BNC2: variants seen among roughly 807,000 people sequenced by gnomAD.
BNC2 encodes the protein basonuclin zinc finger protein 2, also known as zinc finger protein basonuclin-2.
Under a neutral mutation model 76.3 loss-of-function variants are expected in BNC2, and 20 were observed. The ratio of observed to expected loss-of-function variants is 0.26; its 90% confidence interval spans 0.18 to 0.38. BNC2 has a LOEUF of 0.38. Among genes scored for constraint, BNC2 ranks in the 10% least tolerant of loss-of-function variants. The pLI is 1.00. For missense variants in BNC2, 1,382 were observed against 1,399.8 expected, an observed-to-expected ratio of 0.99 and a Z score of 0.20; for synonymous variants, 582 against 514.8, an observed-to-expected ratio of 1.13 and a Z score of -1.77.
At chr9:16,662,234 T>G (rs1822130134) in intron 3 of BNC2, among the ~76,000 whole-genome samples, 1 of 152,192 alleles carries the variant, frequency 6.6e-6, no homozygotes, top group Admixed American at 6.5e-5. Flanking sequence ...ATGCTACATA[T>G]TTAAAACATT....
intron 3 of BNC2, among the ~76,000 whole-genome samples, chr9:16,722,245 T>C (rs1397731973): frequency 6.6e-6 from 1 of 152,184 alleles, no homozygotes; most frequent in African/African-American, 2.4e-5. Context: ...CCTGCCTTGG[T>C]TGTGACCCAT....
At chr9:16,863,329 T>C (rs1345375680) in intron 1 of BNC2, among the ~76,000 whole-genome samples, 1 of 152,106 alleles carries the variant, frequency 6.6e-6, no homozygotes, top group Non-Finnish European at 1.5e-5. Context: ...CTATGAAAAA[T>C]AACTCTCTCT....
chr9:16,465,455 G>T (rs1821685375), intron 5 of BNC2, among the ~76,000 whole-genome samples: 2 of 100,538 alleles, frequency 2.0e-5, no homozygotes, highest in South Asian at 3.3e-4. Flanking sequence ...AAAAAAAAGG[G>T]TTAATAACCG....
At chr9:16,706,724 C>T (rs780891028) in intron 3 of BNC2, among the ~76,000 whole-genome samples, 1 of 152,086 alleles carries the variant, frequency 6.6e-6, no homozygotes, top group Admixed American at 6.5e-5. Flanking sequence ...ATCCCTTCAC[C>T]TTAGCCAAGC....
chr9:16,680,215 TTTGTTGTTG>T (rs142459192), intron 3 of BNC2, among the ~76,000 whole-genome samples: 157 of 152,022 alleles, frequency 1.0e-3, no homozygotes, highest in African/African-American at 3.6e-3. Context: ...TTCAGGGGCT[TTTGTTGTTG>T]TTGTTGTTGT....
At position 16,699,291 on chromosome 9, in the gene BNC2, G is replaced by C. The variant is rs1216787550; in HGVS notation, c.330+28506C>G. ...TGCATGGGTTAGGAGGAGGAAGACA[G>C]GCCAACAGAATAGTCCCTTGATGGA... is the stretch of plus-strand genomic sequence containing the variant. On this transcript the variant is annotated intron_variant, in intron 3 of 6. Transcript: ENST00000380672. The C allele has an allele frequency of 1.1e-5, 5 of 449,826 alleles. No homozygotes were observed. The East Asian group carries it at 3.5e-4, about 32-fold the overall frequency. The allele number at this position is 449,826 out of a possible 1,614,324, so 27.9% of individuals were successfully genotyped here.
chr9:16,679,487 G>T (rs1822759051), intron 3 of BNC2, among the ~76,000 whole-genome samples: 1 of 152,164 alleles, frequency 6.6e-6, no homozygotes, highest in African/African-American at 2.4e-5. Context: ...CATGTGCATG[G>T]CAAATGGAAT....
At chr9:16,677,739 C>A (rs1289001316) in intron 3 of BNC2, among the ~76,000 whole-genome samples, 3 of 152,130 alleles carry the variant, frequency 2.0e-5, no homozygotes, top group Non-Finnish European at 4.4e-5. Context: ...TAACCCAGAG[C>A]TGCAAACTTC....
intron 3 of BNC2, among the ~76,000 whole-genome samples, chr9:16,624,425 C>A (rs974498330): frequency 3.3e-5 from 5 of 152,134 alleles, no homozygotes; most frequent in African/African-American, 1.2e-4. Flanking sequence ...AAAAACTGCT[C>A]ACACAACATA....
chr9:16,448,877 T>G (rs915911217), intron 5 of BNC2, among the ~76,000 whole-genome samples: 3 of 152,188 alleles, frequency 2.0e-5, no homozygotes, highest in African/African-American at 7.2e-5. Flanking sequence ...TGTGTTCCTA[T>G]AAAAGGCACC....
At chr9:16,571,768 T>C (rs1297536154) in intron 4 of BNC2, among the ~76,000 whole-genome samples, 3 of 152,156 alleles carry the variant, frequency 2.0e-5, no homozygotes, top group Non-Finnish European at 4.4e-5. Context: ...GACACCTGTT[T>C]TTGTCTCCTC....
intron 4 of BNC2, among the ~76,000 whole-genome samples, chr9:16,577,087 T>G (rs928842158): frequency 1.3e-5 from 2 of 152,206 alleles, no homozygotes; most frequent in African/African-American, 4.8e-5. Flanking sequence ...TGATTTAGGA[T>G]TTATGCAAAT....
At chr9:16,760,147 C>A (rs1055565831) in intron 1 of BNC2, among the ~76,000 whole-genome samples, 1 of 152,108 alleles carries the variant, frequency 6.6e-6, no homozygotes, top group South Asian at 2.1e-4. Flanking sequence ...TATCAAAGAC[C>A]ATCTAAGTAT....
intron 5 of BNC2, among the ~76,000 whole-genome samples, chr9:16,460,338 T>C (rs1292762194): frequency 2.0e-5 from 3 of 148,692 alleles, no homozygotes; most frequent in African/African-American, 7.4e-5. Flanking sequence ...CAAAACAAAA[T>C]AAGGCCGGGC....
intron 3 of BNC2, among the ~76,000 whole-genome samples, chr9:16,589,743 C>G (rs567725384): frequency 6.6e-6 from 1 of 151,898 alleles, no homozygotes; most frequent in African/African-American, 2.4e-5. Context: ...CTCCTGACTT[C>G]GTGATCCACC....
At chr9:16,433,944 A>T (rs1820952572) in intron 6 of BNC2, among the ~76,000 whole-genome samples, 1 of 152,252 alleles carries the variant, frequency 6.6e-6, no homozygotes, top group African/African-American at 2.4e-5. Context: ...AATTTAAAAG[A>T]ATGAATATTA....
At chr9:16,683,761 A>C (rs576241344) in intron 3 of BNC2, among the ~76,000 whole-genome samples, 4 of 152,350 alleles carry the variant, frequency 2.6e-5, no homozygotes, top group South Asian at 2.1e-4. Context: ...TGTGCAGAAG[A>C]AGCACATTTA....
chr9:16,677,203 G>C (rs1822668680), intron 3 of BNC2, among the ~76,000 whole-genome samples: 1 of 152,118 alleles, frequency 6.6e-6, no homozygotes, highest in Non-Finnish European at 1.5e-5. Flanking sequence ...CCTTCAATCT[G>C]TCCGACAGTG....
chr9:16,869,609 G>A (rs1356454071), intron 1 of BNC2, among the ~76,000 whole-genome samples: 1 of 152,182 alleles, frequency 6.6e-6, no homozygotes, highest in Non-Finnish European at 1.5e-5. Flanking sequence ...ATCCCCAAGT[G>A]GGGGTAACAA....
Sources: allele counts gnomAD v4.1 joint callset (sites outside exome capture counted in the v4.1 genomes callset), GRCh38; gene constraint gnomAD v4.1.1; transcripts MANE v1.5; gene names NCBI Gene and HGNC (gene_info 2026-07-23, HGNC 2026-07-21).